Variants in CAST observed in about 807,000 individuals in gnomAD.
CAST encodes calpastatin, also known as MIR583 host.
A neutral mutation model predicts 119.6 loss-of-function variants in CAST; 76 were observed. That is an observed-to-expected ratio of 0.64 (90% confidence interval 0.53 to 0.77). CAST has a LOEUF of 0.77. Ranked by LOEUF, CAST falls within the 30% of genes least tolerant of loss-of-function variation. The pLI, the probability that CAST is intolerant of heterozygous loss-of-function variation, is 0.00. For synonymous variants in CAST, 319 were observed against 331.6 expected, an observed-to-expected ratio of 0.96 and a Z score of 0.41; for missense variants, 953 against 946.5, an observed-to-expected ratio of 1.01 and a Z score of -0.09.
intron 1 of CAST, among the ~76,000 whole-genome samples, chr5:96,565,902 C>T (rs1013732643): frequency 1.3e-5 from 2 of 152,184 alleles, no homozygotes; most frequent in Non-Finnish European, 2.9e-5. Flanking sequence ...AGGCATATTT[C>T]CAACTGGCTT....
chr5:96,139,658 G>A, the CAST span, among the ~76,000 whole-genome samples: 1 of 151,504 alleles, frequency 6.6e-6, no homozygotes, highest in African/African-American at 2.4e-5. Context: ...GACATAATCA[G>A]TTTTGTGGCA....
chr5:96,759,101 A>T (rs1767065609), intron 24 of CAST, among the ~76,000 whole-genome samples: 1 of 152,212 alleles, frequency 6.6e-6, no homozygotes, highest in Non-Finnish European at 1.5e-5. Flanking sequence ...CTTTAAAAAA[A>T]ATCTTACTCT....
chr5:96,183,128 A>G, the CAST span, among the ~76,000 whole-genome samples: 7 of 150,324 alleles, frequency 4.7e-5, no homozygotes, highest in Non-Finnish European at 1.0e-4. Flanking sequence ...GTGACAGAAC[A>G]AGACTCTGTC....
the CAST span, among the ~76,000 whole-genome samples, chr5:96,158,636 A>G: frequency 2.6e-5 from 4 of 152,246 alleles, no homozygotes; most frequent in African/African-American, 4.8e-5. Context: ...ATATTGTATG[A>G]TAACATTGGT....
the CAST span, among the ~76,000 whole-genome samples, chr5:96,283,462 G>A: frequency 6.6e-6 from 1 of 152,174 alleles, no homozygotes; most frequent in African/African-American, 2.4e-5. Flanking sequence ...TCACTTTCCT[G>A]GCCGCAGGCA....
the CAST span, among the ~76,000 whole-genome samples, chr5:96,082,691 G>A: frequency 6.6e-6 from 1 of 152,090 alleles, no homozygotes; most frequent in Non-Finnish European, 1.5e-5. Context: ...GTATGATCAT[G>A]ATCCCACAAG....
chr5:96,127,424 T>C, the CAST span, among the ~76,000 whole-genome samples: 2 of 152,104 alleles, frequency 1.3e-5, no homozygotes, highest in Non-Finnish European at 2.9e-5. Flanking sequence ...GAAAATGAGC[T>C]AATATCCTCA....
At chr5:96,095,684 C>T in the CAST span, among the ~76,000 whole-genome samples, 1 of 150,456 alleles carries the variant, frequency 6.6e-6, no homozygotes, top group Admixed American at 6.6e-5. Context: ...ATATGCTAGG[C>T]ACCAAAAAGA....
the CAST span, among the ~76,000 whole-genome samples, chr5:96,483,855 C>G: frequency 3.3e-5 from 5 of 152,162 alleles, no homozygotes; most frequent in Middle Eastern, 3.4e-3. Flanking sequence ...AATGATTTTC[C>G]AAAATCAACT....
chr5:96,418,933 G>T, the CAST span, among the ~76,000 whole-genome samples: 1 of 152,096 alleles, frequency 6.6e-6, no homozygotes, highest in Admixed American at 6.6e-5. Context: ...ACTGAAAGAA[G>T]GTCTACCTCA....
chr5:96,263,829 G>A, the CAST span, among the ~76,000 whole-genome samples: 2,890 of 152,202 alleles, frequency 0.019, 93 homozygotes, highest in African/African-American at 0.066. Context: ...AGCAAGGCAC[G>A]TCTTACATGG....
At chr5:96,510,506 T>G in the CAST span, among the ~76,000 whole-genome samples, 3 of 152,322 alleles carry the variant, frequency 2.0e-5, no homozygotes, top group South Asian at 6.2e-4. Context: ...CCACCGATCT[T>G]GTTTTGTTCT....
intron 25 of CAST, chr5:96,763,318 A>G (rs2150696730): frequency 1.3e-6 from 1 of 775,414 alleles, no homozygotes; most frequent in East Asian, 2.4e-5. Flanking sequence ...ATTATAATAA[A>G]GCACTTAAAA....
chr5:96,190,379 T>A, the CAST span, among the ~76,000 whole-genome samples: 6 of 152,110 alleles, frequency 3.9e-5, no homozygotes, highest in Non-Finnish European at 8.8e-5. Context: ...ATGAAGGACA[T>A]TGAGTGACAC....
the CAST span, among the ~76,000 whole-genome samples, chr5:96,306,044 C>G: frequency 2.0e-5 from 3 of 152,304 alleles, no homozygotes; most frequent in East Asian, 5.8e-4. Flanking sequence ...CCTCGTACCT[C>G]TGTTAGAATT....
the CAST span, among the ~76,000 whole-genome samples, chr5:96,399,304 A>AAGAAAAAAATGATTTTATCT: frequency 2.6e-5 from 4 of 152,182 alleles, no homozygotes; most frequent in African/African-American, 9.7e-5. Flanking sequence ...AGCCCCTCTT[A>AAGAAAAAAATGATTTTATCT]AGAAAAAAAT....
chr5:96,655,404 AGAGAAGCTT>A (rs1407780528), intron 1 of CAST, among the ~76,000 whole-genome samples: 14 of 152,252 alleles, frequency 9.2e-5, no homozygotes, highest in African/African-American at 3.4e-4. Context: ...ACCCAGGCAA[AGAGAAGCTT>A]TAGAGTACCT....
At chr5:96,090,744 T>A in the CAST span, among the ~76,000 whole-genome samples, 1 of 151,876 alleles carries the variant, frequency 6.6e-6, no homozygotes, top group Non-Finnish European at 1.5e-5. Context: ...ATGGAGTGTG[T>A]GTGTGTGCGT....
At chr5:96,091,971 G>T in the CAST span, among the ~76,000 whole-genome samples, 3 of 152,142 alleles carry the variant, frequency 2.0e-5, no homozygotes, top group Non-Finnish European at 4.4e-5. Context: ...TTGCAGGGAA[G>T]GTCTTTCCCT....
Sources: allele counts gnomAD v4.1 joint callset (sites outside exome capture counted in the v4.1 genomes callset), GRCh38; gene constraint gnomAD v4.1.1; transcripts MANE v1.5; gene names NCBI Gene and HGNC (gene_info 2026-07-23, HGNC 2026-07-21).